The following CCDC102A variants were observed in gnomAD, a reference collection of about 807,000 sequenced individuals.
CCDC102A encodes the protein coiled-coil domain containing 102A, also known as coiled-coil domain-containing protein 102A.
A neutral mutation model predicts 55.5 loss-of-function variants in CCDC102A; 40 were observed. The observed-to-expected ratio is 0.72, with a 90% CI of 0.56 to 0.94. CCDC102A has a LOEUF of 0.94. Ranked by LOEUF, CCDC102A falls within the 40% of genes least tolerant of loss-of-function variation. CCDC102A has a pLI of 0.00. For synonymous variants in CCDC102A, 323 were observed against 339.0 expected (o/e 0.95, Z 0.52); for missense variants, 779 against 768.6 (o/e 1.01, Z -0.16).
chr16:57,527,043 G>C (rs2032149642), intron 2 of CCDC102A, among the ~76,000 whole-genome samples: 1 of 152,214 alleles, frequency 6.6e-6, no homozygotes, highest in Non-Finnish European at 1.5e-5. Context: ...GATAGGACAG[G>C]AACAGCATTG....
Position 57,512,621 on chromosome 16 carries a change from G to T in CCDC102A, c.*120C>A. 1 of 1,276,820 alleles carries T rather than the reference G, an allele frequency of 7.8e-7. No individual in the cohort carries two copies. The highest frequency in any genetic ancestry group is 1.1e-6 in the Non-Finnish European group (1 of 933,794). 79.1% of individuals were successfully genotyped at this position (1,276,820 alleles called of 1,614,324 possible). A position where few individuals can be genotyped will look rare whatever the true frequency, so the allele number is the denominator to read the frequency against. On this transcript the variant is annotated 3_prime_UTR_variant, in exon 9 of 9. Transcript: ENST00000258214. ...GACGCCATCCCTGGGAGAGAAGAAA[G>T]TCGGCTGTGGCAGGGACTGGTCCCA...
rs368027516 is a variant in CCDC102A at position 57,516,382 on chromosome 16, G to A, written c.1330C>T (p.Arg444Trp). 9 of 1,609,658 alleles carry A rather than the reference G, an allele frequency of 5.6e-6. No individual in the cohort carries two copies. The highest frequency in any genetic ancestry group is 2.2e-5 in the East Asian group (1 of 44,900). ...EKVAELAHAN[R>W]RVEQHEAEVK... is the part of the protein sequence containing the mutation. ...TCAGCCTCGTGCTGCTCCACCCGCCGGTTGGCATGTGCCAGCTCTGCCACC... is the reference window on the plus strand; with the variant it reads ...TCAGCCTCGTGCTGCTCCACCCGCCAGTTGGCATGTGCCAGCTCTGCCACC... Residue 444 changes from arginine (R) to tryptophan (W), a missense_variant, in exon 7 of 9, where the codon CGG becomes TGG. Physicochemically the swap from Arg to Trp is moderately radical, Grantham distance 101. Transcript: ENST00000258214. The surrounding 1 kb of genome is among the most constrained non-coding windows in gnomAD (Gnocchi z 4.4).
chr16:57,526,344 T>C (rs1475823062), intron 2 of CCDC102A, among the ~76,000 whole-genome samples: 1 of 152,174 alleles, frequency 6.6e-6, no homozygotes, highest in African/African-American at 2.4e-5. Flanking sequence ...GCCACCATGG[T>C]TCCCTGTATC....
chr16:57,536,036 G>C (rs2032373596), intron 1 of CCDC102A, among the ~76,000 whole-genome samples: 1 of 152,124 alleles, frequency 6.6e-6, no homozygotes, highest in South Asian at 2.1e-4. Flanking sequence ...GGGGGTTCCC[G>C]GCCCGCGCCG....
At chr16:57,525,075 TTTTA>T (rs3030605) in intron 3 of CCDC102A, among the ~76,000 whole-genome samples, 4,241 of 149,500 alleles carry the variant, frequency 0.028, 180 homozygotes, top group African/African-American at 0.093. Context: ...ACGCTCATCG[TTTTA>T]TTTATTTATT....
intron 1 of CCDC102A, among the ~76,000 whole-genome samples, chr16:57,532,651 C>T (rs2032288153): frequency 6.6e-6 from 1 of 152,106 alleles, no homozygotes; most frequent in Admixed American, 6.5e-5. Context: ...CACTGACACA[C>T]AGGTACAAGG....
At chr16:57,514,916 C>G (rs573723117) in intron 8 of CCDC102A, among the ~76,000 whole-genome samples, 1 of 151,998 alleles carries the variant, frequency 6.6e-6, no homozygotes. Flanking sequence ...TGGCAGTGGA[C>G]GGGATCCAGG....
chr16:57,536,562 G>T lies in CCDC102A; in HGVS notation c.-210C>A, dbSNP rs1364668274. On this transcript the variant is annotated 5_prime_UTR_variant, in exon 1 of 9. Coordinates refer to ENST00000258214, the MANE Select transcript of CCDC102A (RefSeq NM_033212.4). ...GCTGCGGCGGGGTAGAGCGGGCACC[G>T]TGCAGCTGCGACCGCCGCCGGAGGG... is the stretch of plus-strand genomic sequence containing the variant. The T allele has an allele frequency of 1.3e-5, 2 of 152,066 alleles. No homozygotes were observed. The highest frequency in any genetic ancestry group is 4.8e-5 in the African/African-American group (2 of 41,402). The allele number at this position is 152,066 out of a possible 1,614,324, so 9.4% of individuals were successfully genotyped here. A position where few individuals can be genotyped will look rare whatever the true frequency, so the allele number is the denominator to read the frequency against.
chr16:57,522,256 G>A (rs1463867164), intron 3 of CCDC102A, among the ~76,000 whole-genome samples: 1 of 152,176 alleles, frequency 6.6e-6, no homozygotes, highest in African/African-American at 2.4e-5. Flanking sequence ...TTAGAGAGAG[G>A]ATCTGGCTCT....
In CCDC102A at chr16:57,529,237, G is replaced by C. The variant is rs2032206841; in HGVS notation, c.-60C>G. On this transcript the variant is annotated 5_prime_UTR_variant, in exon 2 of 9. Coordinates refer to ENST00000258214, the MANE Select transcript of CCDC102A (RefSeq NM_033212.4). This position sits in a 1 kb window ranked among gnomAD's most constrained non-coding sequence, Gnocchi z 4.1. ...GGTCGGGCTCAGGGGCGGCTCCGGG[G>C]ACGCGCGGCGGGCGCGATACAACTG... The C allele has an allele frequency of 1.8e-6, 2 of 1,136,532 alleles. No individual in the cohort carries two copies. Among genetic ancestry groups the C allele is most frequent in the African/African-American group, 1.7e-5 (1 of 60,308 alleles). The allele number at this position is 1,136,532 out of a possible 1,614,324, so 70.4% of individuals were successfully genotyped here.
chr16:57,528,894 C>A lies in CCDC102A; in HGVS notation c.284G>T (p.Arg95Leu). 1 of 1,402,336 alleles carries A rather than the reference C, an allele frequency of 7.1e-7. No individual in the cohort carries two copies. The highest frequency in any genetic ancestry group is 1.3e-5 in the South Asian group (1 of 77,812). The allele number at this position is 1,402,336 out of a possible 1,614,324, so 86.9% of individuals were successfully genotyped here. Residue 95 changes from arginine (R) to leucine (L), a missense_variant, in exon 2 of 9, where the codon CGC (arginine) becomes CTC (leucine). Coordinates refer to ENST00000258214, the MANE Select transcript of CCDC102A (RefSeq NM_033212.4). ...ATTGGCAGTGCAGTCCGACCACCGG[C>A]GCATGGTCTTCTCCATCTGCGCCGC... The part of the protein sequence containing the change: ...ARAAQMEKTM[R>L]RWSDCTANWR...
chr16:57,523,453 A>C (rs1406124597), intron 3 of CCDC102A, among the ~76,000 whole-genome samples: 1 of 151,512 alleles, frequency 6.6e-6, no homozygotes, highest in African/African-American at 2.4e-5. Flanking sequence ...CTCTGCCTAC[A>C]TCTTCACAAA....
At position 57,512,803 on chromosome 16, in the gene CCDC102A, C is replaced by T. The variant is rs1274533677; in HGVS notation, c.1591G>A (p.Glu531Lys). 1.9e-6 allele frequency: 3 copies of T among 1,614,046 alleles called. No individual in the cohort carries two copies. The highest frequency in any genetic ancestry group is 1.1e-5 in the South Asian group (1 of 91,080). ...AGGTCACTGGTTCCATCCTCGGCCT[C>T]CTCGGTGCCAAAGCGAGCACTGCGG... Reference protein sequence around the residue: ...KIRSARFGTEEAEDGTSDLDE... With the variant: ...KIRSARFGTEKAEDGTSDLDE... Residue 531 changes from glutamate (E) to lysine (K), a missense_variant, in exon 9 of 9, where the codon GAG becomes AAG. By Grantham distance (56) the Glu-to-Lys change is moderately conservative. Coordinates refer to ENST00000258214, the MANE Select transcript of CCDC102A (RefSeq NM_033212.4).
At chr16:57,531,374 T>C (rs1296416764) in intron 1 of CCDC102A, among the ~76,000 whole-genome samples, 1 of 151,882 alleles carries the variant, frequency 6.6e-6, no homozygotes, top group East Asian at 1.9e-4. Context: ...CGCCAAACCT[T>C]GTCAGTCTAT....
intron 3 of CCDC102A, among the ~76,000 whole-genome samples, chr16:57,522,007 G>A (rs1365251347): frequency 6.6e-6 from 1 of 152,156 alleles, no homozygotes; most frequent in African/African-American, 2.4e-5. Flanking sequence ...AGTGGACGGG[G>A]GCCAGGGTGC....
At chr16:57,525,860 C>T in intron 3 of CCDC102A, 41 bp downstream of exon 3, 1 of 1,573,630 alleles carries the variant, frequency 6.4e-7, no homozygotes, top group Non-Finnish European at 8.7e-7. Context: ...TGTAGCACGG[C>T]CTGGCCCTGG....
At position 57,516,334 on chromosome 16, in the gene CCDC102A, C is replaced by T; in HGVS notation, c.1378G>A (p.Val460Met). ...GCCAGCTCCTTCTTGAGCTCCTCCA[C>T]CCGCAGCCGCAGCTTCTTCACCTCA... ...EAEVKKLRLR[V>M]EELKKELAQA... Residue 460 changes from valine (V) to methionine (M), a missense_variant, in exon 7 of 9, where the codon GTG becomes ATG. Coordinates refer to ENST00000258214, the MANE Select transcript of CCDC102A (RefSeq NM_033212.4). The surrounding 1 kb of genome is among the most constrained non-coding windows in gnomAD (Gnocchi z 4.4). 7 of 1,607,794 alleles carry T rather than the reference C, an allele frequency of 4.4e-6. No homozygotes were observed. Among genetic ancestry groups the T allele is most frequent in the East Asian group, 2.2e-5 (1 of 44,894 alleles).
At chr16:57,518,351 A>G in intron 5 of CCDC102A, 74 bp from the exon 6 acceptor site, 1 of 1,419,900 alleles carries the variant, frequency 7.0e-7, no homozygotes, top group Non-Finnish European at 9.6e-7. Flanking sequence ...TGCCCCCGCC[A>G]CCTCCTGGAG....
chr16:57,522,818 A>G (rs536069314), intron 3 of CCDC102A, among the ~76,000 whole-genome samples: 12 of 152,226 alleles, frequency 7.9e-5, no homozygotes, highest in African/African-American at 2.6e-4. Flanking sequence ...CCACTTCACC[A>G]TTTCTTCTAG....
Sources: gnomAD v4.1 joint callset for allele counts (sites outside exome capture counted in the v4.1 genomes callset) on GRCh38, gnomAD v4.1.1 for gene constraint, Gnocchi (gnomAD v3.1) non-coding constraint, MANE v1.5 for transcripts, NCBI Gene and HGNC (gene_info 2026-07-23, HGNC 2026-07-21) for gene names.